Variants in KDSR observed in about 807,000 individuals in gnomAD.
KDSR encodes 3-ketodihydrosphingosine reductase.
KDSR carries 23 observed loss-of-function variants against 41.3 expected under a neutral mutation model. The ratio of observed to expected loss-of-function variants is 0.56; its 90% CI spans 0.40 to 0.79. The LOEUF is 0.79. Among genes scored for constraint, KDSR ranks in the 30% least tolerant of loss-of-function variants. KDSR has a pLI of 0.00. For missense variants in KDSR, 351 were observed against 416.8 expected (o/e 0.84, Z 1.37); for synonymous variants, 138 against 151.7 (o/e 0.91, Z 0.66).
At chr18:63,352,862 T>C (rs2144368308) in intron 5 of KDSR, among the ~76,000 whole-genome samples, 1 of 152,022 alleles carries the variant, frequency 6.6e-6, no homozygotes, top group East Asian at 1.9e-4. Context: ...CATAATATTG[T>C]TTTGATAATA....
rs1208936120 is a variant in KDSR, at chr18:63,327,804, A to G, written c.*3978T>C. 3 of 190,542 alleles carry G rather than the reference A, an allele frequency of 1.6e-5. No individual in the cohort carries two copies. Among genetic ancestry groups the G allele is most frequent in the South Asian group, 1.9e-4 (1 of 5,156 alleles). The allele number at this position is 190,542 out of a possible 1,614,324, so 11.8% of individuals were successfully genotyped here. On this transcript the variant is annotated 3_prime_UTR_variant, in exon 10 of 10. Coordinates refer to ENST00000645214, the MANE Select transcript of KDSR (RefSeq NM_002035.4). ...ATACAAGGTATGAAAATTAGATTAC[A>G]ATTCTGCCACAAAAGCTTCTAAAGT...
chr18:63,334,745 G>GAATT (rs1914107355), intron 9 of KDSR, among the ~76,000 whole-genome samples: 1 of 152,188 alleles, frequency 6.6e-6, no homozygotes, highest in Admixed American at 6.5e-5. Flanking sequence ...CAAGTACAGT[G>GAATT]CCTAGCACAC....
At chr18:63,348,259 A>C (rs1306620142) in intron 6 of KDSR, among the ~76,000 whole-genome samples, 2 of 152,094 alleles carry the variant, frequency 1.3e-5, no homozygotes, top group African/African-American at 4.8e-5. Flanking sequence ...CAGTGAGCCA[A>C]GATCAAACCA....
intron 3 of KDSR, among the ~76,000 whole-genome samples, chr18:63,358,177 A>G (rs1253288934): frequency 6.6e-6 from 1 of 152,134 alleles, no homozygotes; most frequent in East Asian, 1.9e-4. Context: ...AAATAAATAA[A>G]TAAATAAGAA....
At position 63,328,223 on chromosome 18, in the gene KDSR, CAT is replaced by C. The variant is rs1234612662; in HGVS notation, c.*3557_*3558del. 1 of 183,994 alleles carries C rather than the reference CAT, an allele frequency of 5.4e-6. No homozygotes were observed. The highest frequency in any genetic ancestry group is 2.4e-5 in the African/African-American group (1 of 42,508). 11.4% of individuals were successfully genotyped at this position (183,994 alleles called of 1,614,324 possible). ...TTGCTTTCTTCTAGAAAGATAAAGACATAAAATTCTTTGAACCAAAGCAATAT... is the reference window on the plus strand; with the variant it reads ...TTGCTTTCTTCTAGAAAGATAAAGACAAAATTCTTTGAACCAAAGCAATAT... On this transcript the variant is annotated 3_prime_UTR_variant, in exon 10 of 10. Coordinates refer to ENST00000645214, the MANE Select transcript of KDSR (RefSeq NM_002035.4).
chr18:63,360,150 T>C (rs995423778), intron 2 of KDSR, among the ~76,000 whole-genome samples: 2 of 152,226 alleles, frequency 1.3e-5, no homozygotes, highest in African/African-American at 4.8e-5. Flanking sequence ...ACTCTATTAA[T>C]ATGTACTGCT....
In KDSR at chr18:63,359,464, T is replaced by C. The variant is rs962547122; in HGVS notation, c.255+272A>G. 3.8e-5 allele frequency: 13 copies of C among 345,948 alleles called. No individual in the cohort carries two copies. In the Admixed American group the frequency reaches 4.7e-4, roughly 12 times the overall value. 21.4% of individuals were successfully genotyped at this position (345,948 alleles called of 1,614,324 possible). A position where few individuals can be genotyped will look rare whatever the true frequency, so the allele number is the denominator to read the frequency against. ...ATTCCTTTCCTCTTAAGCATTTGTATAAAGTTCATTAAAAAAAAAATTAAA... is the reference window on the plus strand; with the variant it reads ...ATTCCTTTCCTCTTAAGCATTTGTACAAAGTTCATTAAAAAAAAAATTAAA... On this transcript the variant is annotated intron_variant, in intron 3 of 9. Coordinates refer to ENST00000645214, the MANE Select transcript of KDSR (RefSeq NM_002035.4).
In KDSR at chr18:63,327,888, T is replaced by C. The variant is rs974732363; in HGVS notation, c.*3894A>G. 1 of 199,070 alleles carries C rather than the reference T, an allele frequency of 5.0e-6. No individual in the cohort carries two copies. The highest frequency in any genetic ancestry group is 1.0e-5 in the Non-Finnish European group (1 of 96,430). The allele number at this position is 199,070 out of a possible 1,614,324, so 12.3% of individuals were successfully genotyped here. ...GTGCGCTTTTATCAGTTAAAAAGTC[T>C]TTAGAGTTATCACATCAAGCAAGTG... On this transcript the variant is annotated 3_prime_UTR_variant, in exon 10 of 10. Transcript: ENST00000645214.
chr18:63,347,947 T>A (rs35765635), intron 6 of KDSR, among the ~76,000 whole-genome samples: 1 of 151,412 alleles, frequency 6.6e-6, no homozygotes, highest in Admixed American at 6.6e-5. Context: ...CAAAGGGAGG[T>A]GGACAGGGAG....
Position 63,328,211 on chromosome 18 carries a change from GAAAGAT to G in KDSR, c.*3565_*3570del, listed in dbSNP as rs1913863931. Reference sequence around the variant, plus strand: ...ATATATATATAATTGCTTTCTTCTAGAAAGATAAAGACATAAAATTCTTTGAACCAA... The same window carrying G: ...ATATATATATAATTGCTTTCTTCTAGAAAGACATAAAATTCTTTGAACCAA... On this transcript the variant is annotated 3_prime_UTR_variant, in exon 10 of 10. Coordinates refer to ENST00000645214, the MANE Select transcript of KDSR (RefSeq NM_002035.4). 5.4e-6 allele frequency: 1 copy of G among 183,500 alleles called. No individual in the cohort carries two copies. The highest frequency in any genetic ancestry group is 1.2e-5 in the Non-Finnish European group (1 of 86,646). 11.4% of individuals were successfully genotyped at this position (183,500 alleles called of 1,614,324 possible).
rs923266186 is a variant in KDSR at position 63,331,347 on chromosome 18, C to G, written c.*435G>C. 5 of 230,182 alleles carry G rather than the reference C, an allele frequency of 2.2e-5. No homozygotes were observed. 14.3% of individuals were successfully genotyped at this position (230,182 alleles called of 1,614,324 possible). ...GAGACAGAGAGAGAGAGAGAGAGAA[C>G]CCGAGAAACCGAAAATTGTTTTTTT... is the stretch of plus-strand genomic sequence containing the variant. On this transcript the variant is annotated 3_prime_UTR_variant, in exon 10 of 10. Coordinates refer to ENST00000645214, the MANE Select transcript of KDSR (RefSeq NM_002035.4).
intron 2 of KDSR, among the ~76,000 whole-genome samples, chr18:63,361,472 G>C (rs1914984583): frequency 6.6e-6 from 1 of 151,988 alleles, no homozygotes; most frequent in African/African-American, 2.4e-5. Flanking sequence ...GAAAAGTCAA[G>C]CTATAAATAA....
rs1203676139 is a variant in KDSR, at chr18:63,331,668, A to G, written c.*114T>C. 3 of 981,598 alleles carry G rather than the reference A, an allele frequency of 3.1e-6. No individual in the cohort carries two copies. In the African/African-American group the frequency reaches 4.8e-5, roughly 16 times the overall value. The allele number at this position is 981,598 out of a possible 1,614,324, so 60.8% of individuals were successfully genotyped here. ...CACATTCCTGAAGAGCACTGGTCCA[A>G]TCTGACGTATTCGAAAACAATACAT... On this transcript the variant is annotated 3_prime_UTR_variant, in exon 10 of 10. Coordinates refer to ENST00000645214, the MANE Select transcript of KDSR (RefSeq NM_002035.4).
intron 9 of KDSR, among the ~76,000 whole-genome samples, chr18:63,333,054 G>C (rs138521913): frequency 4.6e-5 from 7 of 152,102 alleles, no homozygotes; most frequent in South Asian, 2.1e-4. Flanking sequence ...TGGGGTAGGA[G>C]ATCAGGTGGT....
intron 2 of KDSR, among the ~76,000 whole-genome samples, chr18:63,360,386 T>C (rs1914925624): frequency 1.3e-5 from 2 of 152,162 alleles, no homozygotes; most frequent in South Asian, 4.1e-4. Context: ...AAAACAGATA[T>C]CAGATTATCT....
At position 63,329,343 on chromosome 18, in the gene KDSR, A is replaced by G. The variant is rs904697413; in HGVS notation, c.*2439T>C. ...GGAAAACCTATAATCAAATCCATGG[A>G]TATTTCTTCAGGGAAAATTAAGTCA... is the stretch of plus-strand genomic sequence containing the variant. On this transcript the variant is annotated 3_prime_UTR_variant, in exon 10 of 10. Coordinates refer to ENST00000645214, the MANE Select transcript of KDSR (RefSeq NM_002035.4). 1 of 208,078 alleles carries G rather than the reference A, an allele frequency of 4.8e-6. No homozygotes were observed. Among genetic ancestry groups the G allele is most frequent in the African/African-American group, 2.3e-5 (1 of 43,946 alleles). 12.9% of individuals were successfully genotyped at this position (208,078 alleles called of 1,614,324 possible). A position where few individuals can be genotyped will look rare whatever the true frequency, so the allele number is the denominator to read the frequency against.
At chr18:63,334,818 C>A (rs1914109843) in intron 9 of KDSR, among the ~76,000 whole-genome samples, 1 of 152,240 alleles carries the variant, frequency 6.6e-6, no homozygotes, top group Non-Finnish European at 1.5e-5. Flanking sequence ...ACTGTTTAAT[C>A]CATGATTCGT....
intron 2 of KDSR, among the ~76,000 whole-genome samples, chr18:63,361,017 A>ATATATATATAAAATATATATAT (rs761703297): frequency 1.9e-5 from 2 of 106,858 alleles, no homozygotes; most frequent in South Asian, 2.9e-4. Flanking sequence ...TATATATATA[A>ATATATATATAAAATATATATAT]AATATATAAT....
chr18:63,366,829 G>A (rs1915152632), intron 1 of KDSR, among the ~76,000 whole-genome samples, 182 bp downstream of exon 1: 1 of 152,206 alleles, frequency 6.6e-6, no homozygotes, highest in Non-Finnish European at 1.5e-5. Flanking sequence ...GCGGGTCCGC[G>A]AGGCCGGGTG....
Sources: allele counts gnomAD v4.1 joint callset (sites outside exome capture counted in the v4.1 genomes callset), GRCh38; gene constraint gnomAD v4.1.1; transcripts MANE v1.5; gene names NCBI Gene and HGNC (gene_info 2026-07-23, HGNC 2026-07-21).